The following SOS1 variants were observed in gnomAD, a reference collection of about 807,000 sequenced individuals.
The protein encoded by SOS1 is son of sevenless homolog 1.
Under a neutral mutation model 157.6 loss-of-function variants are expected in SOS1, and 25 were observed. The observed-to-expected ratio is 0.16, with a 90% CI of 0.12 to 0.22. The LOEUF (loss-of-function observed/expected upper bound fraction) is 0.22, where lower values mean the gene tolerates loss of function less well. SOS1 is among the 10% of genes least tolerant of loss of function. The pLI is 1.00. For missense variants in SOS1, 1,237 were observed against 1,599.1 expected, an observed-to-expected ratio of 0.77 and a Z score of 3.86; for synonymous variants, 528 against 534.0, an observed-to-expected ratio of 0.99 and a Z score of 0.16.
chr2:39,100,810 T>G (rs1364660765), intron 1 of SOS1, among the ~76,000 whole-genome samples: 1 of 152,024 alleles, frequency 6.6e-6, no homozygotes, highest in African/African-American at 2.4e-5. Context: ...TCCTAGCTAC[T>G]TGAGAGGCTG....
At chr2:39,051,684 T>C (rs1205472761) in intron 5 of SOS1, among the ~76,000 whole-genome samples, 1 of 152,138 alleles carries the variant, frequency 6.6e-6, no homozygotes, top group African/African-American at 2.4e-5. Flanking sequence ...AATAGCACTT[T>C]TATAAAAAGT....
chr2:38,995,489 C>G (rs1472959137), intron 19 of SOS1, 102 bp from the exon 20 acceptor site: 6 of 852,920 alleles, frequency 7.0e-6, no homozygotes, highest in Non-Finnish European at 9.9e-6. Context: ...ACAGGAAAAT[C>G]ATAAATCACT....
intron 1 of SOS1, among the ~76,000 whole-genome samples, chr2:39,085,213 T>G (rs1320943626): frequency 6.6e-6 from 1 of 150,594 alleles, no homozygotes; most frequent in East Asian, 1.9e-4. Flanking sequence ...GCTCAGCTAA[T>G]TTTTCTTTTT....
chr2:39,119,969 T>C (rs1572906640), intron 1 of SOS1, among the ~76,000 whole-genome samples: 2 of 152,160 alleles, frequency 1.3e-5, no homozygotes, highest in Middle Eastern at 3.4e-3. Context: ...CCTAAAACGG[T>C]AGGCTGACAG....
intron 2 of SOS1, among the ~76,000 whole-genome samples, chr2:39,065,776 T>C (rs191921737): frequency 1.3e-5 from 2 of 152,330 alleles, no homozygotes; most frequent in Admixed American, 1.3e-4. Flanking sequence ...AATCATTCAT[T>C]CAACTTATAT....
Position 39,023,998 on chromosome 2 carries a change from A to G in SOS1, c.1202+12T>C, listed in dbSNP as rs781525308. The G allele has an allele frequency of 1.9e-6, 3 of 1,581,088 alleles. No homozygotes were observed. Among genetic ancestry groups the G allele is most frequent in the Non-Finnish European group, 1.7e-6 (2 of 1,150,792 alleles). On this transcript the variant is annotated intron_variant, in intron 9 of 22. Transcript: ENST00000402219. ...GGGAAAAAAGGATATTTTAAAAAGT[A>G]AAAATATTCACCTCAGTCTTCGTTT...
intron 5 of SOS1, 28 bp from the exon 6 acceptor site, chr2:39,051,315 G>A: frequency 1.3e-6 from 2 of 1,596,112 alleles, no homozygotes; most frequent in Non-Finnish European, 1.7e-6. Context: ...CATTAATTCA[G>A]TGAGGCTGTA....
chr2:38,987,756 G>T, intron 21 of SOS1, 165 bp from the exon 22 acceptor site: 1 of 591,432 alleles, frequency 1.7e-6, no homozygotes. Flanking sequence ...AAAGCAAACT[G>T]CCATAAAAGC....
At chr2:38,996,883 G>A in intron 19 of SOS1, 39 bp downstream of exon 19, 1 of 962,366 alleles carries the variant, frequency 1.0e-6, no homozygotes, top group Non-Finnish European at 1.7e-6. Context: ...AACACATATG[G>A]TAGTAATGAC....
chr2:38,998,095 C>G lies in SOS1; in HGVS notation c.2792-670G>C, dbSNP rs563063675. On this transcript the variant is annotated intron_variant, in intron 17 of 22. Transcript: ENST00000402219. The stretch of plus-strand genomic sequence containing the variant: ...AATAGTTTGTAGACTTAGTGGCAAC[C>G]TAGTAATTGATTTCCTGTTTCCCCA... Among the ~76,000 whole-genome samples the G allele has an allele frequency of 3.3e-5, 5 of 152,248 alleles. No homozygotes were observed. In the South Asian group the frequency reaches 8.3e-4, roughly 25 times the overall value.
intron 1 of SOS1, among the ~76,000 whole-genome samples, chr2:39,105,564 G>A (rs1295887182): frequency 1.3e-5 from 2 of 152,038 alleles, no homozygotes; most frequent in African/African-American, 4.8e-5. Context: ...TTATATCCAT[G>A]CTTGCCATAC....
intron 10 of SOS1, among the ~76,000 whole-genome samples, chr2:39,017,365 A>G (rs1011836578): frequency 2.0e-5 from 3 of 152,060 alleles, no homozygotes; most frequent in African/African-American, 4.8e-5. Flanking sequence ...TGTACTGCTA[A>G]TCTTGGTTAA....
intron 6 of SOS1, among the ~76,000 whole-genome samples, chr2:39,046,897 T>C (rs1272122430): frequency 6.6e-6 from 1 of 152,242 alleles, no homozygotes; most frequent in Non-Finnish European, 1.5e-5. Flanking sequence ...CAATGCATCT[T>C]ATAATGAGTG....
intron 1 of SOS1, among the ~76,000 whole-genome samples, chr2:39,111,794 A>G (rs1258504996): frequency 6.6e-6 from 1 of 150,954 alleles, no homozygotes; most frequent in African/African-American, 2.4e-5. Context: ...CAGTGACACA[A>G]CCTTAGCTCA....
intron 2 of SOS1, among the ~76,000 whole-genome samples, chr2:39,061,683 C>A (rs547955666): frequency 6.6e-6 from 1 of 152,116 alleles, no homozygotes; most frequent in Non-Finnish European, 1.5e-5. Context: ...CCACTGCATT[C>A]GGCCTTCATG....
chr2:39,068,901 A>G (rs1368494561), intron 1 of SOS1, among the ~76,000 whole-genome samples: 1 of 152,104 alleles, frequency 6.6e-6, no homozygotes, highest in Non-Finnish European at 1.5e-5. Flanking sequence ...ACATGTTCCA[A>G]AACATGCTCA....
chr2:39,046,448 AAC>A (rs988250369), intron 6 of SOS1, among the ~76,000 whole-genome samples: 1 of 151,880 alleles, frequency 6.6e-6, no homozygotes, highest in Non-Finnish European at 1.5e-5. Flanking sequence ...TAAATTTATC[AAC>A]ACACTTTCTA....
At chr2:39,027,847 G>C (rs914172553) in intron 8 of SOS1, among the ~76,000 whole-genome samples, 4 of 105,596 alleles carry the variant, frequency 3.8e-5, no homozygotes, top group African/African-American at 1.4e-4. Context: ...TTTTTTTTTT[G>C]AGATGGAGTC....
At chr2:39,103,686 C>G (rs1283539262) in intron 1 of SOS1, among the ~76,000 whole-genome samples, 1 of 152,084 alleles carries the variant, frequency 6.6e-6, no homozygotes, top group East Asian at 1.9e-4. Context: ...AACCATAAAT[C>G]TCTTAGAAGA....
Sources: allele counts gnomAD v4.1 joint callset (sites outside exome capture counted in the v4.1 genomes callset), GRCh38; gene constraint gnomAD v4.1.1; transcripts MANE v1.5; gene names NCBI Gene and HGNC (gene_info 2026-07-23, HGNC 2026-07-21).